The following PDE3A variants were observed in gnomAD, a reference collection of about 807,000 sequenced individuals.
The protein encoded by PDE3A is cGMP-inhibited 3',5'-cyclic phosphodiesterase 3A.
Under a neutral mutation model 98.3 loss-of-function variants are expected in PDE3A, and 43 were observed. That is an observed-to-expected ratio of 0.44 (90% CI 0.34 to 0.56). The LOEUF is 0.56. Ranked by LOEUF, PDE3A falls within the 20% of genes least tolerant of loss-of-function variation. The probability of loss-of-function intolerance (pLI) is 0.01; values close to 1 mark genes in which losing one functional copy is unlikely to be tolerated. For missense variants in PDE3A, 1,427 were observed against 1,440.7 expected (o/e 0.99, Z 0.15); for synonymous variants, 663 against 567.9 (o/e 1.17, Z -2.38).
At chr12:20,385,561 T>C (rs1194647056) in intron 1 of PDE3A, among the ~76,000 whole-genome samples, 1 of 151,860 alleles carries the variant, frequency 6.6e-6, no homozygotes, top group African/African-American at 2.4e-5. Flanking sequence ...AATGATAGAC[T>C]GGATTAAGAA....
Position 20,552,063 on chromosome 12 carries a change from C to CA in PDE3A, c.961-4596dup. On this transcript the variant is annotated intron_variant, in intron 1 of 15. Transcript: ENST00000359062. This position sits in a 1 kb window ranked among gnomAD's most constrained non-coding sequence, Gnocchi z 5.1. ...TGGACCATGGGAATTTTTTCACATACACGGGTAGTGGTGGTCGAGAGCTTT... is the reference window on the plus strand; with the variant it reads ...TGGACCATGGGAATTTTTTCACATACAACGGGTAGTGGTGGTCGAGAGCTTT... The CA allele has an allele frequency of 6.2e-7, 1 of 1,608,178 alleles. No homozygotes were observed. The highest frequency in any genetic ancestry group is 1.1e-5 in the South Asian group (1 of 91,006).
chr12:20,393,602 C>T (rs772761346), intron 1 of PDE3A, among the ~76,000 whole-genome samples: 1 of 151,920 alleles, frequency 6.6e-6, no homozygotes, highest in South Asian at 2.1e-4. Context: ...CCAAACGTTA[C>T]ATATACCCCA....
In PDE3A at chr12:20,630,053, C is replaced by A; in HGVS notation, c.1686C>A (p.His562Gln). The change falls in exon 6 of 16, where the codon CAC becomes CAA. Residue 562 changes from histidine (H) to glutamine (Q), a missense_variant. Physicochemically the swap from His to Gln is conservative, Grantham distance 24 (BLOSUM62 0). Coordinates refer to ENST00000359062, the MANE Select transcript of PDE3A (RefSeq NM_000921.5). The stretch of plus-strand genomic sequence containing the variant: ...CTGCCAAACAAAGCCTAGGTTCTCA[C>A]AGGGCCTTAACTTACACTCAGAGTG... Reference protein sequence around the residue: ...DTTAKQSLGSHRALTYTQSAP... With the variant: ...DTTAKQSLGSQRALTYTQSAP... 2 of 1,614,018 alleles carry A rather than the reference C, an allele frequency of 1.2e-6. No homozygotes were observed. The highest frequency in any genetic ancestry group is 1.7e-4 in the Middle Eastern group (1 of 6,060).
chr12:20,632,255 G>A (rs529667736), intron 6 of PDE3A, among the ~76,000 whole-genome samples: 9 of 152,048 alleles, frequency 5.9e-5, no homozygotes, highest in Admixed American at 3.3e-4. Flanking sequence ...TACAGGTAAC[G>A]TTTTTCTATT....
chr12:20,463,745 C>A (rs1945293327), intron 1 of PDE3A, among the ~76,000 whole-genome samples: 1 of 152,084 alleles, frequency 6.6e-6, no homozygotes, highest in Admixed American at 6.5e-5. Flanking sequence ...GTAGTATGTA[C>A]CTGCTGAGGA....
chr12:20,651,313 ATG>A (rs1161882222), intron 14 of PDE3A, among the ~76,000 whole-genome samples: 1 of 152,166 alleles, frequency 6.6e-6, no homozygotes, highest in Non-Finnish European at 1.5e-5. Flanking sequence ...CTTAAAAAGA[ATG>A]TGGAGGTGAA....
rs548838269 is a variant in PDE3A at position 20,681,258 on chromosome 12, A to G, written c.*987A>G. 1 of 152,212 alleles carries G rather than the reference A, an allele frequency of 6.6e-6. No homozygotes were observed. Among genetic ancestry groups the G allele is most frequent in the Non-Finnish European group, 1.5e-5 (1 of 68,046 alleles). The allele number at this position is 152,212 out of a possible 1,614,324, so 9.4% of individuals were successfully genotyped here. ...TGTCTATGAGTATGGATGTCACTCA[A>G]CTAAGATCAAATCACCATTTAAGGG... On this transcript the variant is annotated 3_prime_UTR_variant, in exon 16 of 16. Transcript: ENST00000359062.
At chr12:20,474,982 G>T (rs12314380) in intron 1 of PDE3A, among the ~76,000 whole-genome samples, 1 of 151,802 alleles carries the variant, frequency 6.6e-6, no homozygotes, top group East Asian at 1.9e-4. Context: ...TTTTGGTGGA[G>T]ATGGTAGTGA....
rs150337728 is a variant in PDE3A at position 20,628,709 on chromosome 12, G to C, written c.1541-1199G>C. ...TGCTCTTCACACTGAAGCAAGGGGA[G>C]AGTGAGATTTCTCATCTTTAACAAC... On this transcript the variant is annotated intron_variant, in intron 5 of 15. Transcript: ENST00000359062. Among the ~76,000 whole-genome samples, 197 of 152,288 alleles carry C rather than the reference G, an allele frequency of 1.3e-3. 1 individual carries two copies. The highest frequency in any genetic ancestry group is 3.4e-3 in the Admixed American group (52 of 15,288).
At chr12:20,585,135 G>A (rs866800235) in intron 2 of PDE3A, among the ~76,000 whole-genome samples, 6 of 152,186 alleles carry the variant, frequency 3.9e-5, no homozygotes, top group Middle Eastern at 6.8e-3. Flanking sequence ...TCCCTAAGCC[G>A]TGCACAGCTC....
chr12:20,481,676 A>G (rs1167718860), intron 1 of PDE3A, among the ~76,000 whole-genome samples: 1 of 151,614 alleles, frequency 6.6e-6, no homozygotes, highest in African/African-American at 2.4e-5. Flanking sequence ...TATTGCTTAG[A>G]GCATCTCTTC....
chr12:20,639,489 A>G (rs920973044), intron 9 of PDE3A, among the ~76,000 whole-genome samples: 2 of 152,134 alleles, frequency 1.3e-5, no homozygotes, highest in African/African-American at 4.8e-5. Flanking sequence ...AACAAAAATC[A>G]TGAAATTTTC....
chr12:20,479,017 A>G (rs778649680), intron 1 of PDE3A, among the ~76,000 whole-genome samples: 25 of 152,154 alleles, frequency 1.6e-4, no homozygotes, highest in Non-Finnish European at 2.9e-4. Context: ...ATTTATTAAA[A>G]CCCACATTTT....
At chr12:20,491,288 C>A (rs1361781734) in intron 1 of PDE3A, among the ~76,000 whole-genome samples, 2 of 152,102 alleles carry the variant, frequency 1.3e-5, no homozygotes, top group African/African-American at 2.4e-5. Flanking sequence ...TGGGAAGTCA[C>A]AGAAACAGGC....
chr12:20,619,915 T>A (rs908329179), intron 4 of PDE3A, among the ~76,000 whole-genome samples: 4 of 152,044 alleles, frequency 2.6e-5, no homozygotes, highest in African/African-American at 7.2e-5. Context: ...CAACACAAAT[T>A]ACACATCTTA....
chr12:20,572,136 A>T (rs938465337), intron 2 of PDE3A: 2 of 1,280,368 alleles, frequency 1.6e-6, no homozygotes, highest in Non-Finnish European at 2.0e-6. Context: ...CATGGTGACG[A>T]TATTTTCCAA....
chr12:20,547,502 G>A (rs1221624244), intron 1 of PDE3A, among the ~76,000 whole-genome samples: 2 of 152,084 alleles, frequency 1.3e-5, no homozygotes, highest in Non-Finnish European at 2.9e-5. Context: ...ATCCTTATAT[G>A]TATATTAGTT....
chr12:20,394,309 C>T (rs535321758), intron 1 of PDE3A, among the ~76,000 whole-genome samples: 2 of 151,960 alleles, frequency 1.3e-5, no homozygotes, highest in African/African-American at 2.4e-5. Flanking sequence ...GTTTATGAGT[C>T]CATGCTTGTA....
intron 5 of PDE3A, among the ~76,000 whole-genome samples, chr12:20,629,010 T>G (rs1944322835): frequency 6.6e-6 from 1 of 152,240 alleles, no homozygotes; most frequent in Admixed American, 6.5e-5. Context: ...AATAATTTCA[T>G]TTCATTTGCC....
Sources: gnomAD v4.1 joint callset for allele counts (sites outside exome capture counted in the v4.1 genomes callset) on GRCh38, gnomAD v4.1.1 for gene constraint, Gnocchi (gnomAD v3.1) non-coding constraint, MANE v1.5 for transcripts, NCBI Gene and HGNC (gene_info 2026-07-23, HGNC 2026-07-21) for gene names.